ZCCHC7: variants seen among roughly 807,000 people sequenced by gnomAD.
ZCCHC7 encodes zinc finger CCHC-type containing 7, also known as zinc finger CCHC domain-containing protein 7.
In ZCCHC7, 35 loss-of-function variants were observed where a neutral mutation model predicts 52.0. That is an observed-to-expected ratio of 0.67 (90% CI 0.51 to 0.89). The LOEUF (loss-of-function observed/expected upper bound fraction) is 0.89. ZCCHC7 is among the 40% of genes least tolerant of loss of function. ZCCHC7 has a pLI of 0.00. For missense variants in ZCCHC7, 574 were observed against 649.1 expected (o/e 0.88, Z 1.26); for synonymous variants, 217 against 221.5 (o/e 0.98, Z 0.18).
At chr9:37,304,893 A>G (rs572295427) in intron 4 of ZCCHC7, among the ~76,000 whole-genome samples, 2 of 152,212 alleles carry the variant, frequency 1.3e-5, no homozygotes, top group Non-Finnish European at 2.9e-5. Flanking sequence ...ATTGAATCAG[A>G]TGATTCCTGA....
chr9:37,337,456 T>C (rs1830733234), intron 6 of ZCCHC7, among the ~76,000 whole-genome samples: 2 of 127,546 alleles, frequency 1.6e-5, no homozygotes, highest in South Asian at 5.3e-4. Context: ...TGCAGACACA[T>C]ACGCATCCCC....
chr9:37,213,458 A>G (rs915973538), intron 2 of ZCCHC7, among the ~76,000 whole-genome samples: 9 of 152,314 alleles, frequency 5.9e-5, no homozygotes, highest in Admixed American at 5.9e-4. Context: ...CAAGGCAGCA[A>G]CAGAACCCTT....
intron 5 of ZCCHC7, 116 bp downstream of exon 5, chr9:37,305,830 G>A: frequency 1.1e-6 from 1 of 914,600 alleles, no homozygotes; most frequent in South Asian, 1.8e-5. Flanking sequence ...TTTACTCCGT[G>A]AGATATATAT....
chr9:37,348,244 TC>T (rs562637498), intron 6 of ZCCHC7, among the ~76,000 whole-genome samples: 146 of 152,326 alleles, frequency 9.6e-4, no homozygotes, highest in African/African-American at 3.4e-3. Context: ...TTCTACTTTT[TC>T]TGAATCAATC....
intron 2 of ZCCHC7, among the ~76,000 whole-genome samples, chr9:37,176,077 TG>T (rs1822010938): frequency 6.6e-6 from 1 of 152,018 alleles, no homozygotes; most frequent in Non-Finnish European, 1.5e-5. Flanking sequence ...TTTGTTTGTT[TG>T]TTTTGTTTTG....
In ZCCHC7 at chr9:37,282,298, A is replaced by G. The variant is rs1272821217; in HGVS notation, c.611-19890A>G. 1.3e-5 allele frequency among the ~76,000 whole-genome samples: 2 copies of G among 152,166 alleles called. 1 individual carries two copies. Among genetic ancestry groups the G allele is most frequent in the Admixed American group, 1.3e-4 (2 of 15,270 alleles). On this transcript the variant is annotated intron_variant, in intron 2 of 8. Coordinates refer to ENST00000336755, the MANE Select transcript of ZCCHC7 (RefSeq NM_032226.3). ...AATATTATGTTTTCTATATTTCACC[A>G]TGATTTTTTAAAAGTTTAAACAAGG...
intron 2 of ZCCHC7, among the ~76,000 whole-genome samples, chr9:37,213,958 G>A (rs899543720): frequency 6.6e-6 from 1 of 151,886 alleles, no homozygotes; most frequent in Admixed American, 6.6e-5. Context: ...TAAGTTTTTA[G>A]GTCCTTAACC....
chr9:37,227,872 AG>A (rs950070621), intron 2 of ZCCHC7, among the ~76,000 whole-genome samples: 2 of 151,930 alleles, frequency 1.3e-5, no homozygotes, highest in Non-Finnish European at 2.9e-5. Flanking sequence ...GGCACGACAC[AG>A]CTCACTCTGC....
At chr9:37,309,514 T>C (rs774446248) in intron 5 of ZCCHC7, among the ~76,000 whole-genome samples, 3 of 152,228 alleles carry the variant, frequency 2.0e-5, no homozygotes, top group Non-Finnish European at 4.4e-5. Context: ...ATTTAAGGCT[T>C]ATACCCTCTA....
intron 2 of ZCCHC7, among the ~76,000 whole-genome samples, chr9:37,161,585 GA>G (rs999147438): frequency 6.6e-6 from 1 of 151,134 alleles, no homozygotes. Flanking sequence ...AAAAAAAAAA[GA>G]AAAAAAAGTG....
At chr9:37,249,456 CTTT>C (rs60166399) in intron 2 of ZCCHC7, among the ~76,000 whole-genome samples, 2 of 111,266 alleles carry the variant, frequency 1.8e-5, no homozygotes, top group African/African-American at 7.5e-5. Context: ...CTTCTTCTTC[CTTT>C]TTTTTTTTTT....
chr9:37,271,349 A>G (rs1429795535), intron 2 of ZCCHC7, among the ~76,000 whole-genome samples: 1 of 152,172 alleles, frequency 6.6e-6, no homozygotes, highest in Non-Finnish European at 1.5e-5. Flanking sequence ...ATTGCATGGA[A>G]AAGAGGGAGG....
intron 6 of ZCCHC7, among the ~76,000 whole-genome samples, chr9:37,346,981 G>A (rs575003569): frequency 2.0e-5 from 3 of 152,196 alleles, no homozygotes; most frequent in African/African-American, 7.2e-5. Flanking sequence ...GGGCAACAGG[G>A]GAAGACCCTG....
At chr9:37,226,289 C>G (rs1375375040) in intron 2 of ZCCHC7, among the ~76,000 whole-genome samples, 1 of 152,024 alleles carries the variant, frequency 6.6e-6, no homozygotes, top group East Asian at 1.9e-4. Context: ...GAAAAAGAAT[C>G]TAAATAAATG....
intron 2 of ZCCHC7, among the ~76,000 whole-genome samples, chr9:37,226,651 T>G (rs917552243): frequency 5.9e-5 from 9 of 152,162 alleles, no homozygotes; most frequent in African/African-American, 2.2e-4. Flanking sequence ...AAATGAACCA[T>G]ATCTCTTCCA....
In ZCCHC7 at chr9:37,327,847, A is replaced by G. The variant is rs1588677356; in HGVS notation, c.987+13A>G. ...GTATCACCTAACGGTGAGTAGAAAC[A>G]CCTTTTTTATTTTCCCCAAGACCTA... On this transcript the variant is annotated intron_variant, in intron 6 of 8. Coordinates refer to ENST00000336755, the MANE Select transcript of ZCCHC7 (RefSeq NM_032226.3). The G allele has an allele frequency of 1.9e-6, 3 of 1,612,808 alleles. No homozygotes were observed. In the South Asian group the frequency reaches 3.3e-5, roughly 18 times the overall value.
At chr9:37,207,131 G>A (rs1254510877) in intron 2 of ZCCHC7, among the ~76,000 whole-genome samples, 2 of 152,114 alleles carry the variant, frequency 1.3e-5, no homozygotes, top group Non-Finnish European at 2.9e-5. Context: ...GTCTCTAAAT[G>A]AATGAATGAA....
At chr9:37,139,607 T>G (rs1328562979) in intron 2 of ZCCHC7, among the ~76,000 whole-genome samples, 2 of 152,018 alleles carry the variant, frequency 1.3e-5, no homozygotes, top group Non-Finnish European at 2.9e-5. Context: ...ATTAGTTTAT[T>G]GTGGACTTGA....
Position 37,302,169 on chromosome 9 carries a change from T to TA in ZCCHC7, c.611-17dup. Reference sequence around the variant, plus strand: ...CTTTAAAAGTGCCACGGTTAAGTAATAATTTATTTGTTTTGTAGGAGAAGA... The same window carrying TA: ...CTTTAAAAGTGCCACGGTTAAGTAATAAATTTATTTGTTTTGTAGGAGAAGA... On this transcript the variant is annotated intron_variant, in intron 2 of 8. Transcript: ENST00000336755. The TA allele has an allele frequency of 1.3e-6, 2 of 1,599,254 alleles. No individual in the cohort carries two copies. The highest frequency in any genetic ancestry group is 1.7e-6 in the Non-Finnish European group (2 of 1,169,386).
Sources: allele counts gnomAD v4.1 joint callset (sites outside exome capture counted in the v4.1 genomes callset), GRCh38; gene constraint gnomAD v4.1.1; transcripts MANE v1.5; gene names NCBI Gene and HGNC (gene_info 2026-07-23, HGNC 2026-07-21).